The following ARHGAP39 variants were observed in gnomAD, a reference collection of about 807,000 sequenced individuals.
ARHGAP39 encodes the protein Rho GTPase activating protein 39, also known as rho GTPase-activating protein 39.
ARHGAP39 carries 44 observed loss-of-function variants against 106.9 expected under a neutral mutation model. That is an observed-to-expected ratio of 0.41 (90% CI 0.32 to 0.53). ARHGAP39 has a LOEUF of 0.53. ARHGAP39 is among the 20% of genes least tolerant of loss of function. The pLI is 0.21. For synonymous variants in ARHGAP39, 768 were observed against 693.2 expected, an observed-to-expected ratio of 1.11 and a Z score of -1.69; for missense variants, 1,496 against 1,577.3, an observed-to-expected ratio of 0.95 and a Z score of 0.87.
At chr8:144,579,233 A>AAAAAAGGCT (rs1818880329) in intron 3 of ARHGAP39, among the ~76,000 whole-genome samples, 1 of 151,452 alleles carries the variant, frequency 6.6e-6, no homozygotes, top group Non-Finnish European at 1.5e-5. Flanking sequence ...AAAGAAAGTG[A>AAAAAAGGCT]AAAAAGGCTC....
rs552688628 is a variant in ARHGAP39 at position 144,681,937 on chromosome 8, T to C, written c.-82+3749A>G. 3.6e-3 allele frequency among the ~76,000 whole-genome samples: 552 copies of C among 152,156 alleles called. 3 individuals carry two copies. Among genetic ancestry groups the C allele is most frequent in the Non-Finnish European group, 6.7e-3 (457 of 67,984 alleles). ...TGAGGAGGACCATCTCCTTGAGAAA[T>C]ATGGGGAATCTTTCCACTATGTTCT... On this transcript the variant is annotated intron_variant, in intron 1 of 11. Coordinates refer to ENST00000377307, the MANE Select transcript of ARHGAP39 (RefSeq NM_025251.3).
In ARHGAP39 at chr8:144,646,575, T is replaced by C. The variant is rs1438825639; in HGVS notation, c.-82+39111A>G. ...TGGGGTGGGCACAGGCTGGCGGGCATGGAAGCCTCGTCCTTTCTGCACCAC... is the reference window on the plus strand; with the variant it reads ...TGGGGTGGGCACAGGCTGGCGGGCACGGAAGCCTCGTCCTTTCTGCACCAC... On this transcript the variant is annotated intron_variant, in intron 1 of 11. Transcript: ENST00000377307. The surrounding 1 kb of genome is among the most constrained non-coding windows in gnomAD (Gnocchi z 5.7). Among the ~76,000 whole-genome samples, 5 of 152,314 alleles carry C rather than the reference T, an allele frequency of 3.3e-5. No individual in the cohort carries two copies. The highest frequency in any genetic ancestry group is 3.4e-3 in the Middle Eastern group (1 of 294).
upstream of ARHGAP39, among the ~76,000 whole-genome samples, chr8:144,689,361 T>C (rs1294094694): frequency 6.6e-6 from 1 of 151,942 alleles, no homozygotes; most frequent in Non-Finnish European, 1.5e-5. Context: ...GCCAGTCTTC[T>C]GGTTTTCTTT....
At chr8:144,594,076 G>A (rs1345352986) in intron 2 of ARHGAP39, among the ~76,000 whole-genome samples, 2 of 134,130 alleles carry the variant, frequency 1.5e-5, no homozygotes, top group Non-Finnish European at 3.1e-5. Flanking sequence ...GCGACAAAGT[G>A]AGACTCCGTC....
At position 144,679,354 on chromosome 8, in the gene ARHGAP39, G is replaced by A. The variant is rs112546846; in HGVS notation, c.-82+6332C>T. 2.7e-3 allele frequency among the ~76,000 whole-genome samples: 411 copies of A among 152,302 alleles called. 3 individuals are homozygous for A. Among genetic ancestry groups the A allele is most frequent in the African/African-American group, 9.3e-3 (386 of 41,586 alleles). On this transcript the variant is annotated intron_variant, in intron 1 of 11. Transcript: ENST00000377307. The surrounding 1 kb of genome is among the most constrained non-coding windows in gnomAD (Gnocchi z 4.7). ...TGAGATGCCAGTCCAGGATGGTGCC[G>A]GAAAAGACACTAGGTTTCTGCCACT...
intron 1 of ARHGAP39, among the ~76,000 whole-genome samples, chr8:144,621,804 G>C (rs1820814327): frequency 6.6e-6 from 1 of 152,142 alleles, no homozygotes; most frequent in African/African-American, 2.4e-5. Context: ...TGGGCGACAG[G>C]AGTGAGACCC....
At chr8:144,584,313 T>A (rs933164393) in intron 2 of ARHGAP39, 2 of 151,984 alleles carry the variant, frequency 1.3e-5, no homozygotes, top group African/African-American at 4.8e-5. Context: ...GTGGGTGCAC[T>A]TCAGTTGCTT....
In ARHGAP39 at chr8:144,533,275, CA is replaced by C; in HGVS notation, c.2738del (p.Val913GlyfsTer59). 6.2e-7 allele frequency: 1 copy of C among 1,613,180 alleles called. No individual in the cohort carries two copies. Among genetic ancestry groups the C allele is most frequent in the Non-Finnish European group, 8.5e-7 (1 of 1,179,980 alleles). On this transcript the variant is annotated frameshift_variant, in exon 9 of 12. Transcript: ENST00000377307. LOFTEE classifies it high-confidence loss of function. Reference sequence around the variant, plus strand: ...CGCTGCCGAACATGGACGGGCTGAACACGGCGTTCTTGGCATGCCGGATCTC... The same window carrying C: ...CGCTGCCGAACATGGACGGGCTGAACCGGCGTTCTTGGCATGCCGGATCTC... ...VEEIRHAKNA[V>X]FSPSMFGSAL...
intron 6 of ARHGAP39, among the ~76,000 whole-genome samples, chr8:144,538,490 T>C (rs2130826122): frequency 6.6e-6 from 1 of 152,052 alleles, no homozygotes; most frequent in African/African-American, 2.4e-5. Context: ...TGTACGTAAA[T>C]TATTTGTCAT....
the ARHGAP39 span, among the ~76,000 whole-genome samples, chr8:144,694,227 C>G: frequency 6.6e-6 from 1 of 152,154 alleles, no homozygotes; most frequent in Admixed American, 6.5e-5. Flanking sequence ...CAGGTGGTGG[C>G]AGGCTTGGGG....
intron 1 of ARHGAP39, 60 bp from the exon 2 acceptor site, chr8:144,605,755 C>T (rs117357535): frequency 0.026 from 20,666 of 785,026 alleles, 500 homozygotes; most frequent in Admixed American, 0.086. Context: ...ACCAATCACC[C>T]GGCCCAGCCC....
At chr8:144,672,427 G>A (rs1287797936) in intron 1 of ARHGAP39, among the ~76,000 whole-genome samples, 1 of 152,222 alleles carries the variant, frequency 6.6e-6, no homozygotes, top group Non-Finnish European at 1.5e-5. Flanking sequence ...GGGGCCTCTA[G>A]TAGTTTAAAG....
At chr8:144,607,890 C>T (rs1820352490) in intron 1 of ARHGAP39, among the ~76,000 whole-genome samples, 1 of 152,158 alleles carries the variant, frequency 6.6e-6, no homozygotes, top group African/African-American at 2.4e-5. Flanking sequence ...GGCGCGGTGG[C>T]TCATGCCTAT....
In ARHGAP39 at chr8:144,641,080, C is replaced by A. The variant is rs1314307457; in HGVS notation, c.-81-35385G>T. On this transcript the variant is annotated intron_variant, in intron 1 of 11. Transcript: ENST00000377307. This position sits in a 1 kb window ranked among gnomAD's most constrained non-coding sequence, Gnocchi z 5.2. The stretch of plus-strand genomic sequence containing the variant: ...TATTTTTATTTCTCATCTGCCTGGG[C>A]CCATCCCAGCACCAGTTCTTGCAGA... Among the ~76,000 whole-genome samples, 1 of 152,024 alleles carries A rather than the reference C, an allele frequency of 6.6e-6. No individual in the cohort carries two copies. The highest frequency in any genetic ancestry group is 1.5e-5 in the Non-Finnish European group (1 of 68,012).
At chr8:144,640,247 G>A (rs1415588366) in intron 1 of ARHGAP39, among the ~76,000 whole-genome samples, 1 of 152,158 alleles carries the variant, frequency 6.6e-6, no homozygotes, top group African/African-American at 2.4e-5. Context: ...CAGTTTTCAT[G>A]GCACATGATG....
At chr8:144,691,692 A>G in the ARHGAP39 span, among the ~76,000 whole-genome samples, 12 of 152,192 alleles carry the variant, frequency 7.9e-5, no homozygotes, top group Non-Finnish European at 1.5e-4. Flanking sequence ...GTTGCAGCCC[A>G]CAATGCATTG....
rs1010126419 is a variant in ARHGAP39 at position 144,684,310 on chromosome 8, C to G, written c.-82+1376G>C. Among the ~76,000 whole-genome samples, 1 of 152,248 alleles carries G rather than the reference C, an allele frequency of 6.6e-6. No homozygotes were observed. The highest frequency in any genetic ancestry group is 1.5e-5 in the Non-Finnish European group (1 of 68,046). On this transcript the variant is annotated intron_variant, in intron 1 of 11. Coordinates refer to ENST00000377307, the MANE Select transcript of ARHGAP39 (RefSeq NM_025251.3). This position sits in a 1 kb window ranked among gnomAD's most constrained non-coding sequence, Gnocchi z 4.4. ...ATCAAATCGCCTTTCCCTCCCCCGG[C>G]GCGAGAATCGCACCTTGCTCCTTGT... is the stretch of plus-strand genomic sequence containing the variant.
chr8:144,531,129 G>C (rs183029811), intron 10 of ARHGAP39, among the ~76,000 whole-genome samples: 1 of 152,256 alleles, frequency 6.6e-6, no homozygotes, highest in Non-Finnish European at 1.5e-5. Context: ...CTCAGGAGTC[G>C]TCTGTGTAGC....
chr8:144,689,329 G>A (rs1221627435), upstream of ARHGAP39, among the ~76,000 whole-genome samples: 1 of 151,030 alleles, frequency 6.6e-6, no homozygotes, highest in African/African-American at 2.4e-5. Flanking sequence ...GCTTCTCTGC[G>A]TTCTCACTAA....
Sources: allele counts gnomAD v4.1 joint callset (sites outside exome capture counted in the v4.1 genomes callset), GRCh38; gene constraint gnomAD v4.1.1; non-coding constraint Gnocchi (gnomAD v3.1); transcripts MANE v1.5; gene names NCBI Gene and HGNC (gene_info 2026-07-23, HGNC 2026-07-21).